Variants in PDCD6IP observed in about 807,000 individuals in gnomAD.
The protein encoded by PDCD6IP is programmed cell death 6 interacting protein.
In PDCD6IP, 43 loss-of-function variants were observed where a neutral mutation model predicts 103.7. The ratio of observed to expected loss-of-function variants is 0.41; its 90% CI spans 0.32 to 0.53. The LOEUF (loss-of-function observed/expected upper bound fraction) is 0.53, where lower values mean the gene tolerates loss of function less well. Ranked by LOEUF, PDCD6IP falls within the 20% of genes least tolerant of loss-of-function variation. The pLI is 0.16. For missense variants in PDCD6IP, 871 were observed against 1,036.7 expected (o/e 0.84, Z 2.20); for synonymous variants, 354 against 378.7 (o/e 0.93, Z 0.76).
At chr3:33,850,799 A>G (rs953327465) in intron 12 of PDCD6IP, among the ~76,000 whole-genome samples, 44 of 151,754 alleles carry the variant, frequency 2.9e-4, no homozygotes, top group Non-Finnish European at 5.6e-4. Context: ...TTCCTTTTAG[A>G]GTTTCTGTGG....
At chr3:33,863,552 G>T (rs1697999169) in intron 15 of PDCD6IP, among the ~76,000 whole-genome samples, 1 of 152,098 alleles carries the variant, frequency 6.6e-6, no homozygotes, top group Non-Finnish European at 1.5e-5. Context: ...CACTTATCAT[G>T]ATGGCCTCCA....
At chr3:33,833,133 A>G (rs1239572474) in intron 7 of PDCD6IP, among the ~76,000 whole-genome samples, 1 of 152,094 alleles carries the variant, frequency 6.6e-6, no homozygotes, top group Non-Finnish European at 1.5e-5. Flanking sequence ...AGAGATAAAG[A>G]TTTAAAAAAA....
chr3:33,811,563 G>A (rs1696719802), intron 1 of PDCD6IP, among the ~76,000 whole-genome samples: 1 of 152,150 alleles, frequency 6.6e-6, no homozygotes. Context: ...AAAACAGGTC[G>A]GAAAGAATGA....
At chr3:33,841,383 A>G (rs1249198131) in intron 9 of PDCD6IP, among the ~76,000 whole-genome samples, 1 of 141,854 alleles carries the variant, frequency 7.0e-6, no homozygotes, top group Non-Finnish European at 1.5e-5. Context: ...ATTTTGGTTT[A>G]ATTTTATCAA....
intron 4 of PDCD6IP, among the ~76,000 whole-genome samples, chr3:33,824,028 G>C (rs899424237): frequency 6.6e-6 from 1 of 152,110 alleles, no homozygotes; most frequent in Non-Finnish European, 1.5e-5. Flanking sequence ...CGTTGGGCAA[G>C]TTCTTTAACC....
chr3:33,820,987 C>T (rs1575912361), intron 3 of PDCD6IP, among the ~76,000 whole-genome samples: 1 of 152,224 alleles, frequency 6.6e-6, no homozygotes, highest in African/African-American at 2.4e-5. Flanking sequence ...TTGTTTTCCA[C>T]AGCAGTTGTA....
Position 33,866,739 on chromosome 3 carries a change from A to T in PDCD6IP, c.*214A>T. 1 of 394,464 alleles carries T rather than the reference A, an allele frequency of 2.5e-6. No individual in the cohort carries two copies. 24.4% of individuals were successfully genotyped at this position (394,464 alleles called of 1,614,324 possible). ...TGCTGTTGCAGTATAAACACTAGGT[A>T]TAATAGGATTTGAAATTGCATTACA... On this transcript the variant is annotated 3_prime_UTR_variant, in exon 18 of 18. Transcript: ENST00000307296.
chr3:33,815,395 A>T (rs1696825312), intron 3 of PDCD6IP, among the ~76,000 whole-genome samples: 1 of 152,180 alleles, frequency 6.6e-6, no homozygotes, highest in Admixed American at 6.5e-5. Flanking sequence ...AAATAGTCTT[A>T]CTGAATTCTC....
chr3:33,854,421 C>T (rs1245299849), intron 14 of PDCD6IP, among the ~76,000 whole-genome samples: 1 of 152,118 alleles, frequency 6.6e-6, no homozygotes, highest in Non-Finnish European at 1.5e-5. Flanking sequence ...TGAGGACAGA[C>T]TTGTGGCCTG....
intron 15 of PDCD6IP, among the ~76,000 whole-genome samples, chr3:33,858,257 G>T (rs1049338152): frequency 6.6e-6 from 1 of 152,134 alleles, no homozygotes; most frequent in Admixed American, 6.5e-5. Flanking sequence ...CAAAAAGAAG[G>T]CTTGAGCAAG....
intron 4 of PDCD6IP, among the ~76,000 whole-genome samples, chr3:33,823,155 C>T (rs188528432): frequency 3.3e-4 from 50 of 152,242 alleles, no homozygotes; most frequent in African/African-American, 1.1e-3. Flanking sequence ...ATTTTACATA[C>T]GAGGAGGCTA....
intron 9 of PDCD6IP, among the ~76,000 whole-genome samples, chr3:33,841,654 G>A (rs2125566133): frequency 6.6e-6 from 1 of 151,132 alleles, no homozygotes; most frequent in East Asian, 2.0e-4. Flanking sequence ...TAGCCAGGAT[G>A]GTCTCGATCT....
At chr3:33,835,527 G>A (rs942584134) in intron 7 of PDCD6IP, among the ~76,000 whole-genome samples, 6 of 152,288 alleles carry the variant, frequency 3.9e-5, no homozygotes, top group African/African-American at 7.2e-5. Flanking sequence ...GACTGGCCTG[G>A]CCAATATGAT....
intron 9 of PDCD6IP, among the ~76,000 whole-genome samples, chr3:33,838,754 ATG>A (rs371718093): frequency 3.5e-4 from 52 of 149,954 alleles, no homozygotes; most frequent in Middle Eastern, 3.5e-3. Context: ...TTATATGTAT[ATG>A]TGTGTGTGTG....
chr3:33,812,219 T>G (rs1174038116), intron 2 of PDCD6IP, 93 bp downstream of exon 2: 2 of 1,465,054 alleles, frequency 1.4e-6, no homozygotes, highest in East Asian at 2.5e-5. Context: ...TATGAGATAG[T>G]GTTATAAAAA....
rs186651872 is a variant in PDCD6IP, at chr3:33,866,721, G to T, written c.*196G>T. On this transcript the variant is annotated 3_prime_UTR_variant, in exon 18 of 18. Coordinates refer to ENST00000307296, the MANE Select transcript of PDCD6IP (RefSeq NM_013374.6). ...TACACATGTGAGATTTGCTGCTGTT[G>T]CAGTATAAACACTAGGTATAATAGG... 1.0e-4 allele frequency: 44 copies of T among 420,594 alleles called. No individual in the cohort carries two copies. The East Asian group carries it at 1.5e-3, about 14-fold the overall frequency. 26.1% of individuals were successfully genotyped at this position (420,594 alleles called of 1,614,324 possible). A position where few individuals can be genotyped will look rare whatever the true frequency, so the allele number is the denominator to read the frequency against.
At chr3:33,799,116 C>G in intron 1 of PDCD6IP, 179 bp downstream of exon 1, 1 of 636,044 alleles carries the variant, frequency 1.6e-6, no homozygotes, top group East Asian at 2.8e-5. Context: ...CCTGCAGGCC[C>G]GCTGTGACTG....
chr3:33,858,627 G>T (rs903938012), intron 15 of PDCD6IP, among the ~76,000 whole-genome samples: 6 of 152,106 alleles, frequency 3.9e-5, no homozygotes, highest in Non-Finnish European at 8.8e-5. Flanking sequence ...TGGCTAACAC[G>T]GTGAAACCCC....
chr3:33,822,391 C>A (rs1466796149), intron 4 of PDCD6IP, among the ~76,000 whole-genome samples: 2 of 151,850 alleles, frequency 1.3e-5, no homozygotes, highest in Admixed American at 1.3e-4. Flanking sequence ...TAGGGTAAAT[C>A]CATTTTAAAT....
Sources: allele counts gnomAD v4.1 joint callset (sites outside exome capture counted in the v4.1 genomes callset), GRCh38; gene constraint gnomAD v4.1.1; transcripts MANE v1.5; gene names NCBI Gene and HGNC (gene_info 2026-07-23, HGNC 2026-07-21).